MAPKAP1: variants seen among roughly 807,000 people sequenced by gnomAD.
The protein encoded by MAPKAP1 is target of rapamycin complex 2 subunit MAPKAP1.
A neutral mutation model predicts 65.7 loss-of-function variants in MAPKAP1; 20 were observed. The observed-to-expected ratio is 0.30, with a 90% CI of 0.21 to 0.44. MAPKAP1 has a LOEUF of 0.44. Ranked by LOEUF, MAPKAP1 falls within the 20% of genes least tolerant of loss-of-function variation. MAPKAP1 has a pLI of 1.00. For missense variants in MAPKAP1, 423 were observed against 648.0 expected, an observed-to-expected ratio of 0.65 and a Z score of 3.77; for synonymous variants, 222 against 244.3, an observed-to-expected ratio of 0.91 and a Z score of 0.85.
At chr9:125,509,748 G>A (rs573140760) in intron 7 of MAPKAP1, among the ~76,000 whole-genome samples, 1 of 152,246 alleles carries the variant, frequency 6.6e-6, no homozygotes, top group South Asian at 2.1e-4. Flanking sequence ...ACTAAGGCCT[G>A]GCTGCATCAG....
At chr9:125,686,905 C>T (rs561265578) in intron 1 of MAPKAP1, among the ~76,000 whole-genome samples, 1 of 152,038 alleles carries the variant, frequency 6.6e-6, no homozygotes, top group African/African-American at 2.4e-5. Flanking sequence ...CAGCTCACTG[C>T]AACCTCTGCC....
At position 125,469,303 on chromosome 9, in the gene MAPKAP1, T is replaced by A. The variant is rs558573044; in HGVS notation, c.1208-1194A>T. Among the ~76,000 whole-genome samples the A allele has an allele frequency of 2.6e-5, 4 of 152,094 alleles. No individual in the cohort carries two copies. The South Asian group carries it at 8.3e-4, about 32-fold the overall frequency. ...ATTTTTGAACAAAATGTGAGAAAAC[T>A]TAGTAAGCCAAAAGCAGCAGCAGAT... On this transcript the variant is annotated intron_variant, in intron 9 of 11. Transcript: ENST00000265960.
At chr9:125,575,184 A>C (rs1186276944) in intron 5 of MAPKAP1, among the ~76,000 whole-genome samples, 1 of 152,176 alleles carries the variant, frequency 6.6e-6, no homozygotes, top group East Asian at 1.9e-4. Flanking sequence ...CTTGCAAAAA[A>C]TTTGTGCCAC....
intron 4 of MAPKAP1, among the ~76,000 whole-genome samples, chr9:125,620,872 A>G (rs1832876898): frequency 7.1e-6 from 1 of 141,412 alleles, no homozygotes; most frequent in Non-Finnish European, 1.6e-5. Context: ...GACGACATGA[A>G]TGGTGGACAG....
chr9:125,493,984 T>C (rs1034388792), intron 8 of MAPKAP1, among the ~76,000 whole-genome samples: 1 of 152,132 alleles, frequency 6.6e-6, no homozygotes, highest in African/African-American at 2.4e-5. Flanking sequence ...TGGAAATGCA[T>C]AACTCCATGG....
chr9:125,559,099 T>G (rs939258154), intron 6 of MAPKAP1: 1 of 152,282 alleles, frequency 6.6e-6, no homozygotes, highest in Admixed American at 6.5e-5. Flanking sequence ...CTGATAACTT[T>G]AAATAACAGA....
chr9:125,647,218 G>C (rs1423974409), intron 4 of MAPKAP1, among the ~76,000 whole-genome samples: 1 of 152,116 alleles, frequency 6.6e-6, no homozygotes, highest in African/African-American at 2.4e-5. Context: ...ATGTATCTTT[G>C]TCTAGGTGTT....
At chr9:125,624,449 C>T (rs1251289492) in intron 4 of MAPKAP1, among the ~76,000 whole-genome samples, 1 of 112,738 alleles carries the variant, frequency 8.9e-6, no homozygotes, top group African/African-American at 3.3e-5. Flanking sequence ...GGTCAGCCCC[C>T]ACGCCCGGCC....
At chr9:125,466,270 C>G (rs1041175467) in intron 10 of MAPKAP1, among the ~76,000 whole-genome samples, 1 of 152,076 alleles carries the variant, frequency 6.6e-6, no homozygotes, top group Non-Finnish European at 1.5e-5. Context: ...AACCTTCCCC[C>G]ACCACCCACC....
At chr9:125,571,832 C>A (rs1056698359) in intron 5 of MAPKAP1, among the ~76,000 whole-genome samples, 8 of 152,104 alleles carry the variant, frequency 5.3e-5, no homozygotes, top group Non-Finnish European at 1.0e-4. Flanking sequence ...CACTGCACTC[C>A]AGCCTGCTCG....
At chr9:125,693,595 AC>A (rs1276516339) in intron 1 of MAPKAP1, among the ~76,000 whole-genome samples, 1 of 150,944 alleles carries the variant, frequency 6.6e-6, no homozygotes, top group Non-Finnish European at 1.5e-5. Context: ...ACACGTATAC[AC>A]ACACACATAC....
At chr9:125,545,759 C>T (rs994507469) in intron 6 of MAPKAP1, among the ~76,000 whole-genome samples, 9 of 152,018 alleles carry the variant, frequency 5.9e-5, no homozygotes, top group African/African-American at 2.2e-4. Flanking sequence ...AGGAAAATCC[C>T]CAGTCTGTAT....
intron 9 of MAPKAP1, among the ~76,000 whole-genome samples, chr9:125,480,939 T>TC (rs200360027): frequency 0.013 from 1,536 of 119,632 alleles, 36 homozygotes; most frequent in African/African-American, 0.047. Context: ...ACCACTGCAC[T>TC]CCAGCCTGGG....
At chr9:125,462,286 G>C (rs1853527300) in intron 10 of MAPKAP1, among the ~76,000 whole-genome samples, 1 of 152,156 alleles carries the variant, frequency 6.6e-6, no homozygotes, top group Non-Finnish European at 1.5e-5. Flanking sequence ...TTGGGGGTGG[G>C]CTGGGGGTGA....
At chr9:125,553,023 T>C (rs1830627904) in intron 6 of MAPKAP1, among the ~76,000 whole-genome samples, 1 of 152,184 alleles carries the variant, frequency 6.6e-6, no homozygotes, top group South Asian at 2.1e-4. Flanking sequence ...TGCTTTTCAT[T>C]GAACTAAAAG....
At chr9:125,688,636 G>A (rs1223889101) in intron 1 of MAPKAP1, among the ~76,000 whole-genome samples, 1 of 152,016 alleles carries the variant, frequency 6.6e-6, no homozygotes, top group Non-Finnish European at 1.5e-5. Flanking sequence ...AGAGATGGGC[G>A]GATTGCTTGA....
In MAPKAP1 at chr9:125,595,654, C is replaced by T. The variant is rs568173387; in HGVS notation, c.499-9927G>A. 6 of 1,489,242 alleles carry T rather than the reference C, an allele frequency of 4.0e-6. No homozygotes were observed. The East Asian group carries it at 1.5e-4, about 37-fold the overall frequency. The allele number at this position is 1,489,242 out of a possible 1,614,324, so 92.3% of individuals were successfully genotyped here. ...CGCCAAGGAAGCATCGTTAAAGTCT[C>T]TCTTCTCCCTGCCGTCCTAAGTCAG... On this transcript the variant is annotated intron_variant, in intron 4 of 11. Transcript: ENST00000265960. The surrounding 1 kb of genome is among the most constrained non-coding windows in gnomAD (Gnocchi z 4.0).
chr9:125,589,476 C>G (rs1831889105), intron 4 of MAPKAP1, among the ~76,000 whole-genome samples: 1 of 152,190 alleles, frequency 6.6e-6, no homozygotes, highest in South Asian at 2.1e-4. Context: ...ACTCCAGTGC[C>G]TGCCAGGACA....
chr9:125,532,101 A>G (rs540838739), intron 7 of MAPKAP1, among the ~76,000 whole-genome samples: 48 of 151,426 alleles, frequency 3.2e-4, no homozygotes, highest in African/African-American at 1.0e-3. Context: ...TGGTGTACGG[A>G]AAAAAAAACA....
Sources: gnomAD v4.1 joint callset for allele counts (sites outside exome capture counted in the v4.1 genomes callset) on GRCh38, gnomAD v4.1.1 for gene constraint, Gnocchi (gnomAD v3.1) non-coding constraint, MANE v1.5 for transcripts, NCBI Gene and HGNC (gene_info 2026-07-23, HGNC 2026-07-21) for gene names.